Variants in DLGAP2 observed in about 807,000 individuals in gnomAD.
DLGAP2 encodes DLG associated protein 2, also known as disks large-associated protein 2.
Under a neutral mutation model 100.3 loss-of-function variants are expected in DLGAP2, and 26 were observed. That is an observed-to-expected ratio of 0.26 (90% confidence interval 0.19 to 0.36). DLGAP2 has a LOEUF of 0.36. DLGAP2 is among the 10% of genes least tolerant of loss of function. The pLI is 1.00. For missense variants in DLGAP2, 1,858 were observed against 1,453.2 expected, an observed-to-expected ratio of 1.28 and a Z score of -4.53; for synonymous variants, 886 against 630.1, an observed-to-expected ratio of 1.41 and a Z score of -6.08.
intron 6 of DLGAP2, among the ~76,000 whole-genome samples, chr8:1,617,437 T>C (rs1399398556): frequency 1.3e-5 from 2 of 152,372 alleles, no homozygotes; most frequent in East Asian, 3.9e-4. Flanking sequence ...TGTGAGATAC[T>C]ATCTTATTGG....
intron 2 of DLGAP2, among the ~76,000 whole-genome samples, chr8:917,834 C>T (rs1563094584): frequency 6.6e-6 from 1 of 152,170 alleles, no homozygotes; most frequent in Non-Finnish European, 1.5e-5. Context: ...CTGCCTCGGC[C>T]TCCTAGAGTG....
At chr8:1,696,199 C>T (rs1045396885) in intron 13 of DLGAP2, among the ~76,000 whole-genome samples, 4 of 152,326 alleles carry the variant, frequency 2.6e-5, no homozygotes, top group African/African-American at 4.8e-5. Flanking sequence ...AAAAATCATT[C>T]AGATTTCAAT....
intron 3 of DLGAP2, among the ~76,000 whole-genome samples, chr8:1,381,763 T>C (rs1796099606): frequency 6.6e-6 from 1 of 150,784 alleles, no homozygotes; most frequent in Admixed American, 6.7e-5. Context: ...TCTTCCTTAG[T>C]AAATCTGAGG....
chr8:1,526,885 G>A (rs570181517), intron 4 of DLGAP2, among the ~76,000 whole-genome samples: 55 of 152,348 alleles, frequency 3.6e-4, no homozygotes, highest in African/African-American at 1.3e-3. Flanking sequence ...GCCTGGAAAG[G>A]GGGCGGTGGC....
At chr8:1,102,594 A>C (rs12544411) in intron 2 of DLGAP2, among the ~76,000 whole-genome samples, 15,137 of 139,818 alleles carry the variant, frequency 0.11, 854 homozygotes, top group East Asian at 0.24. Context: ...GCACAAGTCC[A>C]TGCAATTCTG....
chr8:1,215,998 C>T (rs1322371499), intron 2 of DLGAP2, among the ~76,000 whole-genome samples: 3 of 152,130 alleles, frequency 2.0e-5, no homozygotes, highest in Non-Finnish European at 4.4e-5. Flanking sequence ...TTAGGCACAT[C>T]ACCTGGAGAC....
chr8:1,232,938 A>G (rs1004346489), intron 2 of DLGAP2, among the ~76,000 whole-genome samples: 1 of 152,052 alleles, frequency 6.6e-6, no homozygotes, highest in Non-Finnish European at 1.5e-5. Flanking sequence ...TTCTAGGCCC[A>G]CCCCCTGCCC....
chr8:1,245,202 C>A (rs567324799), intron 2 of DLGAP2, among the ~76,000 whole-genome samples: 3 of 152,152 alleles, frequency 2.0e-5, no homozygotes, highest in African/African-American at 7.2e-5. Context: ...GAAGTTTAAA[C>A]ATAGAGTTAC....
chr8:893,104 C>T (rs1202306641), intron 1 of DLGAP2: 1 of 152,208 alleles, frequency 6.6e-6, no homozygotes, highest in Admixed American at 6.5e-5. Context: ...AGTGAGACAC[C>T]CTTGCCTGCA....
chr8:1,537,332 G>A (rs1017603057), intron 4 of DLGAP2, among the ~76,000 whole-genome samples: 1 of 152,322 alleles, frequency 6.6e-6, no homozygotes, highest in African/African-American at 2.4e-5. Flanking sequence ...TGGTGAGTGT[G>A]TGTTGGGGTG....
In DLGAP2 at chr8:1,704,124, C is replaced by T. The variant is rs1242968104; in HGVS notation, c.*2718C>T. ...GTTTATGATACTTGTGTTAGTCACT[C>T]GAGCTAGCTTATTTCAGCCACTTCT... On this transcript the variant is annotated 3_prime_UTR_variant, in exon 15 of 15. Transcript: ENST00000637795. The T allele has an allele frequency of 2.6e-5, 4 of 152,708 alleles. No homozygotes were observed. Among genetic ancestry groups the T allele is most frequent in the Admixed American group, 6.5e-5 (1 of 15,290 alleles). 9.5% of individuals were successfully genotyped at this position (152,708 alleles called of 1,614,324 possible).
chr8:1,340,394 AAAAC>A (rs1241362163), intron 3 of DLGAP2, among the ~76,000 whole-genome samples: 1 of 152,250 alleles, frequency 6.6e-6, no homozygotes, highest in Non-Finnish European at 1.5e-5. Context: ...TTGTAAGAAA[AAAAC>A]CATTAAAAAG....
At chr8:779,878 A>T (rs1466509783) in intron 1 of DLGAP2, among the ~76,000 whole-genome samples, 2 of 152,046 alleles carry the variant, frequency 1.3e-5, no homozygotes. Context: ...TTTATTTTAA[A>T]TTGACAAATA....
chr8:1,633,546 C>G lies in DLGAP2; in HGVS notation c.1810+500C>G, dbSNP rs542661591. 1.3e-3 allele frequency among the ~76,000 whole-genome samples: 195 copies of G among 152,338 alleles called. 4 individuals carry two copies. Among genetic ancestry groups the G allele is most frequent in the Non-Finnish European group, 6.5e-4 (44 of 68,028 alleles). ...TATCTTAGAGCTCCGAAGACTCAGT[C>G]TCGCAATTTCCTTTAGTTCTCATGG... On this transcript the variant is annotated intron_variant, in intron 8 of 14. Transcript: ENST00000637795.
intron 2 of DLGAP2, chr8:1,137,785 CTA>C (rs1363734618): frequency 2.0e-5 from 3 of 152,150 alleles, no homozygotes; most frequent in Non-Finnish European, 4.4e-5. Context: ...TGGTTCCCAG[CTA>C]TCTCTTTTTA....
chr8:746,401 G>T (rs1378733536), intron 1 of DLGAP2, among the ~76,000 whole-genome samples: 2 of 152,236 alleles, frequency 1.3e-5, no homozygotes, highest in Non-Finnish European at 2.9e-5. Context: ...GGGGAAGAGG[G>T]GTCAGATGGC....
chr8:1,051,351 C>T (rs950479445), intron 2 of DLGAP2, among the ~76,000 whole-genome samples: 1 of 152,266 alleles, frequency 6.6e-6, no homozygotes, highest in East Asian at 1.9e-4. Context: ...TGCATCTTCT[C>T]TCCATACAAG....
chr8:1,011,029 G>A (rs958171481), intron 2 of DLGAP2, among the ~76,000 whole-genome samples: 1 of 152,064 alleles, frequency 6.6e-6, no homozygotes, highest in Non-Finnish European at 1.5e-5. Context: ...CTGGAATGTG[G>A]GGCCTCAGTC....
intron 2 of DLGAP2, among the ~76,000 whole-genome samples, chr8:1,204,446 G>A (rs1006162431): frequency 1.3e-5 from 2 of 152,246 alleles, no homozygotes; most frequent in African/African-American, 4.8e-5. Flanking sequence ...CAGGCTGACC[G>A]TGTAATGACC....
Sources: gnomAD v4.1 joint callset for allele counts (sites outside exome capture counted in the v4.1 genomes callset) on GRCh38, gnomAD v4.1.1 for gene constraint, MANE v1.5 for transcripts, NCBI Gene and HGNC (gene_info 2026-07-23, HGNC 2026-07-21) for gene names.